Variants in IL27RA observed in about 807,000 individuals in gnomAD.
IL27RA encodes interleukin-27 receptor subunit alpha.
A neutral mutation model predicts 80.8 loss-of-function variants in IL27RA; 61 were observed. That is an observed-to-expected ratio of 0.76 (90% CI 0.61 to 0.93). The LOEUF is 0.93. IL27RA is among the 40% of genes least tolerant of loss of function. IL27RA has a pLI of 0.00. For missense variants in IL27RA, 735 were observed against 808.1 expected (o/e 0.91, Z 1.10); for synonymous variants, 316 against 332.5 (o/e 0.95, Z 0.54).
rs1976006479 is a variant in IL27RA, at chr19:14,042,548, G to A, written c.630G>A (p.Met210Ile). The change falls in exon 5 of 14, where the codon ATG (methionine) becomes ATA (isoleucine). Residue 210 changes from methionine (M) to isoleucine (I), a missense_variant. Transcript: ENST00000263379. ...TGYKVYGRCR[M>I]EKEEDLWGEW... ...ACAAAGTGTATGGCCGCTGCCGGAT[G>A]GAGAAAGAAGAGGATTTGTGGGGCG... The A allele has an allele frequency of 1.2e-6, 2 of 1,614,092 alleles. No individual in the cohort carries two copies. The highest frequency in any genetic ancestry group is 1.3e-5 in the African/African-American group (1 of 74,936).
chr19:14,031,909 C>CCGCTGCCCAAGCTGG lies in IL27RA; in HGVS notation c.44_58dup (p.Pro15_Leu19dup). 6.2e-7 allele frequency: 1 copy of CCGCTGCCCAAGCTGG among 1,606,334 alleles called. No homozygotes were observed. Among genetic ancestry groups the CCGCTGCCCAAGCTGG allele is most frequent in the Non-Finnish European group, 8.5e-7 (1 of 1,177,098 alleles). ...CAGGGGCGCCCCTTTCTGGCTGTGG[C>CCGCTGCCCAAGCTGG]CGCTGCCCAAGCTGGCGCTGCTGCC... On this transcript the variant is annotated inframe_insertion, in exon 1 of 14. Coordinates refer to ENST00000263379, the MANE Select transcript of IL27RA (RefSeq NM_004843.4).
intron 11 of IL27RA, 54 bp from the exon 12 acceptor site, chr19:14,051,553 T>A (rs1033949105): frequency 4.5e-5 from 48 of 1,065,434 alleles, no homozygotes; most frequent in Middle Eastern, 5.9e-4. Context: ...AAAATAAAAA[T>A]AAAAAATAAA....
rs370850939 is a variant in IL27RA at position 14,032,523 on chromosome 19, G to C, written c.218+20G>C. 33 of 1,546,520 alleles carry C rather than the reference G, an allele frequency of 2.1e-5. No individual in the cohort carries two copies. The highest frequency in any genetic ancestry group is 1.7e-4 in the Middle Eastern group (1 of 5,920). ...AAAGTAGTGAGTACAGGGAGGTGAC[G>C]TGGGGAAACAGGCTTTGGAGGTGGC... is the stretch of plus-strand genomic sequence containing the variant. On this transcript the variant is annotated intron_variant, in intron 2 of 13. Transcript: ENST00000263379.
At position 14,052,204 on chromosome 19, in the gene IL27RA, C is replaced by T. The variant is rs1976183723; in HGVS notation, c.1825C>T (p.Leu609Phe). ...CCAGCCCGCCCAGGCCACCGCCCCGCTTGACTCTGGGTATGAGAAGCACTT... is the reference window on the plus strand; with the variant it reads ...CCAGCCCGCCCAGGCCACCGCCCCGTTTGACTCTGGGTATGAGAAGCACTT... The part of the protein sequence containing the change: ...SSQPAQATAP[L>F]DSGYEKHFLP... The change falls in exon 14 of 14, where the codon CTT (leucine) becomes TTT (phenylalanine). Residue 609 changes from leucine (L) to phenylalanine (F), a missense_variant. Leu to Phe is a conservative substitution (Grantham distance 22, BLOSUM62 0). Coordinates refer to ENST00000263379, the MANE Select transcript of IL27RA (RefSeq NM_004843.4). 1 of 1,606,100 alleles carries T rather than the reference C, an allele frequency of 6.2e-7. No individual in the cohort carries two copies.
chr19:14,033,798 C>T (rs1975856856), intron 2 of IL27RA, among the ~76,000 whole-genome samples: 1 of 152,026 alleles, frequency 6.6e-6, no homozygotes, highest in Non-Finnish European at 1.5e-5. Flanking sequence ...AACCCTGTCT[C>T]CACTAAAAAT....
rs575802518 is a variant in IL27RA, at chr19:14,036,806, G to A, written c.219-2702G>A. Among the ~76,000 whole-genome samples the A allele has an allele frequency of 2.5e-4, 38 of 149,184 alleles. No homozygotes were observed. In the South Asian group the frequency reaches 7.8e-3, roughly 31 times the overall value. ...CACAGTGTATTTTCTTCTTTTTTAA[G>A]GTTGAATAGTATTCCATCGTGTATG... is the stretch of plus-strand genomic sequence containing the variant. On this transcript the variant is annotated intron_variant, in intron 2 of 13. Coordinates refer to ENST00000263379, the MANE Select transcript of IL27RA (RefSeq NM_004843.4).
chr19:14,034,977 A>C (rs1449542196), intron 2 of IL27RA, among the ~76,000 whole-genome samples: 6 of 124,684 alleles, frequency 4.8e-5, no homozygotes, highest in African/African-American at 2.7e-4. Context: ...TTCATACAAC[A>C]TAAAACTTAA....
chr19:14,051,858 C>T (rs763952871), intron 12 of IL27RA, 22 bp from the exon 13 acceptor site: 7 of 1,561,376 alleles, frequency 4.5e-6, no homozygotes, highest in African/African-American at 1.4e-5. Context: ...ATCTGCTGCC[C>T]TGACTACTCC....
rs956528533 is a variant in IL27RA, at chr19:14,047,408, G to A, written c.1141+790G>A. On this transcript the variant is annotated intron_variant, in intron 8 of 13. Transcript: ENST00000263379. ...CTGGCTCTGTCACCCAGGCTGGAGT[G>A]CAATGGTGTGATCTCAGCTCACTGC... 2.9e-4 allele frequency among the ~76,000 whole-genome samples: 44 copies of A among 150,246 alleles called. 1 individual carries two copies. Among genetic ancestry groups the A allele is most frequent in the African/African-American group, 1.0e-3 (41 of 40,688 alleles).
chr19:14,046,372 T>C, intron 7 of IL27RA, 35 bp downstream of exon 7: 1 of 1,613,704 alleles, frequency 6.2e-7, no homozygotes, highest in Non-Finnish European at 8.5e-7. Context: ...CTCGGTGCCC[T>C]GGAGGGGTGG....
At chr19:14,046,120 G>A in intron 6 of IL27RA, 34 bp from the exon 7 acceptor site, 1 of 1,584,180 alleles carries the variant, frequency 6.3e-7, no homozygotes, top group Non-Finnish European at 8.6e-7. Flanking sequence ...TGATTAATGG[G>A]AGACATTAAC....
chr19:14,041,911 C>A (rs904665932), intron 4 of IL27RA, among the ~76,000 whole-genome samples: 6 of 151,804 alleles, frequency 4.0e-5, no homozygotes, highest in Admixed American at 3.9e-4. Flanking sequence ...ACTAAAAATA[C>A]AAAAATTGGC....
Position 14,042,708 on chromosome 19 carries a change from C to A in IL27RA, c.695-8C>A. On this transcript the variant is annotated splice_polypyrimidine_tract_variant and splice_region_variant and intron_variant, in intron 5 of 13. Transcript: ENST00000263379. ...CTCATTTGTTCCCCGTTTCCTCATC[C>A]TTGCCAGCTCCAAAAGATGTGTGGG... is the stretch of plus-strand genomic sequence containing the variant. The A allele has an allele frequency of 6.2e-7, 1 of 1,614,152 alleles. No homozygotes were observed. Among genetic ancestry groups the A allele is most frequent in the Non-Finnish European group, 8.5e-7 (1 of 1,180,000 alleles).
In IL27RA at chr19:14,052,652, A is replaced by C. The variant is rs1413939252; in HGVS notation, c.*362A>C. ...AGGCCAAGGTGGAAGGATCACTTAG[A>C]GCTAGGAGTTTGAGACCAGCCTGGG... On this transcript the variant is annotated 3_prime_UTR_variant, in exon 14 of 14. Transcript: ENST00000263379. 1.0e-5 allele frequency: 2 copies of C among 196,676 alleles called. No individual in the cohort carries two copies. Among genetic ancestry groups the C allele is most frequent in the African/African-American group, 4.6e-5 (2 of 43,028 alleles). 12.2% of individuals were successfully genotyped at this position (196,676 alleles called of 1,614,324 possible). A position where few individuals can be genotyped will look rare whatever the true frequency, so the allele number is the denominator to read the frequency against.
intron 10 of IL27RA, among the ~76,000 whole-genome samples, chr19:14,049,686 A>C (rs1308255414): frequency 6.6e-6 from 1 of 151,464 alleles, no homozygotes; most frequent in Non-Finnish European, 1.5e-5. Flanking sequence ...GGTTCAAGCA[A>C]TTCTCCTGCC....
intron 8 of IL27RA, among the ~76,000 whole-genome samples, chr19:14,048,290 A>T (rs59181121): frequency 0.16 from 21,189 of 128,512 alleles, 1,628 homozygotes; most frequent in Admixed American, 0.26. Context: ...ATAAATAAAT[A>T]AATTAATTAA....
At chr19:14,042,968 C>T (rs1431684699) in intron 6 of IL27RA, among the ~76,000 whole-genome samples, 179 bp downstream of exon 6, 1 of 151,954 alleles carries the variant, frequency 6.6e-6, no homozygotes, top group Non-Finnish European at 1.5e-5. Flanking sequence ...ATGGTGAAAC[C>T]CCATCTCTAC....
Position 14,052,179 on chromosome 19 carries a change from C to T in IL27RA, c.1800C>T (p.Ser600=). ...AGCCCCCGCCGGTTATGGAGTCCTCCCAGCCCGCCCAGGCCACCGCCCCGC... is the reference window on the plus strand; with the variant it reads ...AGCCCCCGCCGGTTATGGAGTCCTCTCAGCCCGCCCAGGCCACCGCCCCGC... The part of the protein sequence containing the change: ...EMEPPPVMES[S]QPAQATAPLD... The change falls in exon 14 of 14, where the codon TCC becomes TCT. Residue 600 remains serine (S), a synonymous_variant. Coordinates refer to ENST00000263379, the MANE Select transcript of IL27RA (RefSeq NM_004843.4). The T allele has an allele frequency of 1.9e-6, 3 of 1,612,510 alleles. No homozygotes were observed. The highest frequency in any genetic ancestry group is 2.5e-6 in the Non-Finnish European group (3 of 1,179,334).
At chr19:14,032,337 A>G in intron 1 of IL27RA, 49 bp from the exon 2 acceptor site, 2 of 1,392,912 alleles carry the variant, frequency 1.4e-6, no homozygotes, top group Non-Finnish European at 2.0e-6. Context: ...TGCAGGCGGA[A>G]GGGGGGGATT....
Sources: allele counts gnomAD v4.1 joint callset (sites outside exome capture counted in the v4.1 genomes callset), GRCh38; gene constraint gnomAD v4.1.1; transcripts MANE v1.5; gene names NCBI Gene and HGNC (gene_info 2026-07-23, HGNC 2026-07-21).